The following GNG2 variants were observed in gnomAD, a reference collection of about 807,000 sequenced individuals.
GNG2 encodes G protein subunit gamma 2, also known as guanine nucleotide-binding protein G(I)/G(S)/G(O) subunit gamma-2.
A neutral mutation model predicts 5.5 loss-of-function variants in GNG2; 5 were observed. The observed-to-expected ratio is 0.91, with a 90% CI of 0.48 to 1.92. GNG2 has a LOEUF of 1.92. GNG2 is among the 30% of genes most tolerant of loss of function. GNG2 has a pLI of 0.01. For synonymous variants in GNG2, 28 were observed against 32.0 expected (o/e 0.88, Z 0.42); for missense variants, 55 against 88.4 (o/e 0.62, Z 1.52).
At chr14:51,932,081 C>G (rs1004656348) in intron 2 of GNG2, among the ~76,000 whole-genome samples, 1 of 151,588 alleles carries the variant, frequency 6.6e-6, no homozygotes, top group Non-Finnish European at 1.5e-5. Flanking sequence ...CCCGTCTCTA[C>G]TAAAAAATAG....
At chr14:51,840,255 C>CA (rs1216729930) in intron 2 of GNG2, among the ~76,000 whole-genome samples, 1 of 152,150 alleles carries the variant, frequency 6.6e-6, no homozygotes, top group Non-Finnish European at 1.5e-5. Context: ...CCAGAACTTT[C>CA]TTCATCCCTT....
intron 3 of GNG2, among the ~76,000 whole-genome samples, chr14:51,954,612 C>G (rs757886135): frequency 1.3e-5 from 2 of 152,114 alleles, no homozygotes; most frequent in African/African-American, 4.8e-5. Context: ...AATCCAAGAG[C>G]AGAAATGTGG....
intron 2 of GNG2, among the ~76,000 whole-genome samples, chr14:51,838,605 A>C (rs1253688815): frequency 6.6e-6 from 1 of 152,224 alleles, no homozygotes; most frequent in African/African-American, 2.4e-5. Flanking sequence ...GACAAAAAGA[A>C]AAATGTTTTA....
chr14:51,877,495 C>T, intron 1 of GNG2, 122 bp from the exon 2 acceptor site: 1 of 400,264 alleles, frequency 2.5e-6, no homozygotes, highest in Non-Finnish European at 5.0e-6. Context: ...GCCCTTATAA[C>T]TATATTGCCA....
At position 51,912,092 on chromosome 14, in the gene GNG2, A is replaced by T. The variant is rs564466330; in HGVS notation, c.-30+34435A>T. Among the ~76,000 whole-genome samples, 2 of 134,460 alleles carry T rather than the reference A, an allele frequency of 1.5e-5. 1 individual carries two copies. The highest frequency in any genetic ancestry group is 6.0e-5 in the African/African-American group (2 of 33,092). 88.2% of individuals were successfully genotyped at this position (134,460 alleles called of 152,430 possible). A position where few individuals can be genotyped will look rare whatever the true frequency, so the allele number is the denominator to read the frequency against. ...GAAATGGAGGCACACAGGTTAAGTA[A>T]CTTGCCCAGCATCACCTATTGAGTA... is the stretch of plus-strand genomic sequence containing the variant. On this transcript the variant is annotated intron_variant, in intron 2 of 3. Transcript: ENST00000556766.
At chr14:51,963,702 T>C (rs934177930) in intron 3 of GNG2, among the ~76,000 whole-genome samples, 17 of 152,214 alleles carry the variant, frequency 1.1e-4, no homozygotes, top group Non-Finnish European at 2.5e-4. Context: ...CGAGTTCAAG[T>C]TCTTTTTCTG....
chr14:51,945,232 T>G lies in GNG2; in HGVS notation c.-29-5418T>G, dbSNP rs73297012. Among the ~76,000 whole-genome samples the G allele has an allele frequency of 2.6e-3, 401 of 152,326 alleles. 2 individuals are homozygous for G. Among genetic ancestry groups the G allele is most frequent in the African/African-American group, 9.4e-3 (389 of 41,584 alleles). On this transcript the variant is annotated intron_variant, in intron 2 of 3. Transcript: ENST00000556766. ...GGAAGCAGGGTCTTTAAAAGATGTT[T>G]GGACTACCTTATTCACAGTAGTCAT...
chr14:51,958,329 T>C (rs1251593039), intron 3 of GNG2, among the ~76,000 whole-genome samples: 1 of 151,566 alleles, frequency 6.6e-6, no homozygotes, highest in East Asian at 1.9e-4. Context: ...GAAACCAAGA[T>C]CTAGATGCCA....
rs1889939225 is a variant in GNG2, at chr14:51,966,688, G to A, written c.*1G>A. On this transcript the variant is annotated 3_prime_UTR_variant, in exon 4 of 4. Transcript: ENST00000556766. Reference sequence around the variant, plus strand: ...GAAGTTTTTCTGTGCCATCCTTTAAGTCTTTGAGAGGGGCCTGAAGAGCCT... The same window carrying A: ...GAAGTTTTTCTGTGCCATCCTTTAAATCTTTGAGAGGGGCCTGAAGAGCCT... 6.2e-7 allele frequency: 1 copy of A among 1,613,732 alleles called. No homozygotes were observed. Among genetic ancestry groups the A allele is most frequent in the Non-Finnish European group, 8.5e-7 (1 of 1,179,686 alleles).
intron 2 of GNG2, among the ~76,000 whole-genome samples, chr14:51,881,093 T>C (rs982357279): frequency 9.2e-5 from 14 of 152,062 alleles, no homozygotes; most frequent in Non-Finnish European, 2.9e-5. Flanking sequence ...ACTTTGCCTC[T>C]GATGATGGAA....
intron 2 of GNG2, among the ~76,000 whole-genome samples, chr14:51,844,536 G>T (rs1881571357): frequency 6.6e-6 from 1 of 152,124 alleles, no homozygotes; most frequent in South Asian, 2.1e-4. Flanking sequence ...TGTGGGTGGA[G>T]AGGAGTGTTA....
chr14:51,842,727 C>G (rs570223598), intron 2 of GNG2, among the ~76,000 whole-genome samples: 1 of 151,304 alleles, frequency 6.6e-6, no homozygotes, highest in South Asian at 2.1e-4. Flanking sequence ...TGCAGTGGCA[C>G]AATCTCGGCT....
intron 2 of GNG2, among the ~76,000 whole-genome samples, chr14:51,945,004 A>G (rs1251416224): frequency 1.3e-5 from 2 of 152,184 alleles, no homozygotes; most frequent in African/African-American, 4.8e-5. Flanking sequence ...AGAAATATGA[A>G]TGGCCAATAA....
At chr14:51,923,497 ATGTG>A (rs1163712744) in intron 2 of GNG2, among the ~76,000 whole-genome samples, 1 of 151,576 alleles carries the variant, frequency 6.6e-6, no homozygotes, top group Non-Finnish European at 1.5e-5. Context: ...AAATATATGT[ATGTG>A]TGTGTGTATG....
At chr14:51,953,445 C>T (rs991703282) in intron 3 of GNG2, among the ~76,000 whole-genome samples, 5 of 152,138 alleles carry the variant, frequency 3.3e-5, no homozygotes, top group Admixed American at 6.5e-5. Context: ...GAAGCCAATA[C>T]CACACTCTGA....
At chr14:51,924,040 A>C (rs555418589) in intron 2 of GNG2, among the ~76,000 whole-genome samples, 1 of 152,310 alleles carries the variant, frequency 6.6e-6, no homozygotes, top group East Asian at 1.9e-4. Flanking sequence ...TTAAATGTGC[A>C]TATTTATTGA....
intron 2 of GNG2, among the ~76,000 whole-genome samples, chr14:51,901,504 C>G (rs1316991679): frequency 6.6e-6 from 1 of 152,040 alleles, no homozygotes; most frequent in African/African-American, 2.4e-5. Flanking sequence ...GAGAAAGTAT[C>G]TCTTTATTGA....
chr14:51,881,264 C>T (rs181426290), intron 2 of GNG2, among the ~76,000 whole-genome samples: 3 of 152,128 alleles, frequency 2.0e-5, no homozygotes, highest in African/African-American at 7.2e-5. Context: ...CTTTTCCCCC[C>T]TAAGAGACAG....
At chr14:51,962,130 G>A (rs1229729841) in intron 3 of GNG2, among the ~76,000 whole-genome samples, 2 of 152,036 alleles carry the variant, frequency 1.3e-5, no homozygotes, top group Admixed American at 1.3e-4. Context: ...TTAGAATCAT[G>A]TTTTTAAATT....
Sources: gnomAD v4.1 joint callset for allele counts (sites outside exome capture counted in the v4.1 genomes callset) on GRCh38, gnomAD v4.1.1 for gene constraint, MANE v1.5 for transcripts, NCBI Gene and HGNC (gene_info 2026-07-23, HGNC 2026-07-21) for gene names.